SPAM1: variants seen among roughly 807,000 people sequenced by gnomAD.
The protein encoded by SPAM1 is sperm adhesion molecule 1.
In SPAM1, 22 loss-of-function variants were observed where a neutral mutation model predicts 29.6. That is an observed-to-expected ratio of 0.74 (90% confidence interval 0.53 to 1.06). The LOEUF (loss-of-function observed/expected upper bound fraction) is 1.06. SPAM1 is among the 50% of genes least tolerant of loss of function. SPAM1 has a pLI of 0.00. For missense variants in SPAM1, 534 were observed against 604.0 expected (o/e 0.88, Z 1.21); for synonymous variants, 194 against 204.6 (o/e 0.95, Z 0.44).
rs565386344 is a variant in SPAM1 at position 123,939,321 on chromosome 7, G to T, written c.-318-10551G>T. Among the ~76,000 whole-genome samples the T allele has an allele frequency of 2.0e-3, 300 of 152,218 alleles. 3 individuals carry two copies. Among genetic ancestry groups the T allele is most frequent in the Non-Finnish European group, 3.4e-3 (230 of 68,012 alleles). Reference sequence around the variant, plus strand: ...AGGATGGTCTCCAACTCCTGACCTCGTGATCTGCCCGCCTCGGCCTTCCTA... The same window carrying T: ...AGGATGGTCTCCAACTCCTGACCTCTTGATCTGCCCGCCTCGGCCTTCCTA... On this transcript the variant is annotated intron_variant, in intron 1 of 4. Coordinates refer to ENST00000682466, the MANE Select transcript of SPAM1 (RefSeq NM_153189.3).
intron 1 of SPAM1, chr7:123,932,441 A>T (rs533942562): frequency 6.6e-6 from 1 of 152,408 alleles, no homozygotes; most frequent in East Asian, 1.9e-4. Context: ...ATCTGTTTCT[A>T]ACTGCCTATG....
rs780340295 is a variant in SPAM1 at position 123,936,054 on chromosome 7, ACT to A, written c.-319+10707_-319+10708del. On this transcript the variant is annotated intron_variant, in intron 1 of 4. Transcript: ENST00000682466. The stretch of plus-strand genomic sequence containing the variant: ...TTCTTGTATTACTGTGTTCTCAACT[ACT>A]CTCTGTTGTGCTTAAAATGAATTGG... Among the ~76,000 whole-genome samples, 67 of 152,124 alleles carry A rather than the reference ACT, an allele frequency of 4.4e-4. 1 individual carries two copies. Among genetic ancestry groups the A allele is most frequent in the South Asian group, 8.3e-4 (4 of 4,816 alleles).
Position 123,939,245 on chromosome 7 carries a change from C to T in SPAM1, c.-318-10627C>T, listed in dbSNP as rs541168070. The stretch of plus-strand genomic sequence containing the variant: ...GGACTACAGGCGCCCGCCATCATGC[C>T]CGGCTAATTTTTTGTATTTTTAGTA... On this transcript the variant is annotated intron_variant, in intron 1 of 4. Coordinates refer to ENST00000682466, the MANE Select transcript of SPAM1 (RefSeq NM_153189.3). Among the ~76,000 whole-genome samples, 12 of 152,092 alleles carry T rather than the reference C, an allele frequency of 7.9e-5. No homozygotes were observed. In the South Asian group the frequency reaches 1.9e-3, roughly 24 times the overall value.
chr7:123,948,860 T>C (rs1056738922), intron 1 of SPAM1, among the ~76,000 whole-genome samples: 1 of 152,078 alleles, frequency 6.6e-6, no homozygotes, highest in Non-Finnish European at 1.5e-5. Flanking sequence ...GAAGGCAGTG[T>C]CTTGACTGAC....
chr7:123,949,081 T>C (rs1311462369), intron 1 of SPAM1, among the ~76,000 whole-genome samples: 1 of 151,926 alleles, frequency 6.6e-6, no homozygotes, highest in Non-Finnish European at 1.5e-5. Flanking sequence ...AAAATTTATT[T>C]GAAAAAAAAT....
chr7:123,928,676 A>G lies in SPAM1; in HGVS notation c.-319+3324A>G, dbSNP rs567267578. Among the ~76,000 whole-genome samples the G allele has an allele frequency of 1.8e-4, 27 of 152,324 alleles. 1 individual carries two copies. In the South Asian group the frequency reaches 5.6e-3, roughly 32 times the overall value. ...TGAAAAATCCAGTTCTTGATCTTCT[A>G]TTTTAAGGATGGAGGATATACTTCC... On this transcript the variant is annotated intron_variant, in intron 1 of 4. Coordinates refer to ENST00000682466, the MANE Select transcript of SPAM1 (RefSeq NM_153189.3).
chr7:123,937,518 T>G (rs554459430), intron 1 of SPAM1, among the ~76,000 whole-genome samples: 105 of 149,092 alleles, frequency 7.0e-4, no homozygotes, highest in South Asian at 8.5e-4. Context: ...GGAGAATGGA[T>G]TGAACCCGGG....
intron 5 of SPAM1, among the ~76,000 whole-genome samples, chr7:123,965,405 G>A (rs1054224322): frequency 3.9e-5 from 6 of 151,952 alleles, no homozygotes; most frequent in African/African-American, 7.2e-5. Context: ...GTATTGTCTA[G>A]ATTTTCTTCT....
intron 6 of SPAM1, chr7:123,970,315 T>G (rs1792481653): frequency 6.6e-7 from 1 of 1,515,114 alleles, no homozygotes; most frequent in African/African-American, 1.4e-5. Context: ...CTTCTCCTTG[T>G]GTCTTCCATA....
intron 4 of SPAM1, among the ~76,000 whole-genome samples, chr7:123,959,124 A>G (rs1792307893): frequency 6.6e-6 from 1 of 152,010 alleles, no homozygotes; most frequent in African/African-American, 2.4e-5. Context: ...CTAGTCACCA[A>G]TGGAACTGGG....
Position 123,959,754 on chromosome 7 carries a change from A to G in SPAM1, c.1315A>G (p.Ser439Gly), listed in dbSNP as rs1563032671. The G allele has an allele frequency of 6.2e-7, 1 of 1,613,300 alleles. No homozygotes were observed. Residue 439 changes from serine (S) to glycine (G), a missense_variant, in exon 5 of 5, where the codon AGC becomes GGC. Ser to Gly is a moderately conservative substitution (Grantham distance 56, BLOSUM62 0). Coordinates refer to ENST00000682466, the MANE Select transcript of SPAM1 (RefSeq NM_153189.3). ...TGAAAAATTTTATTGCAGCTGTTAT[A>G]GCACCTTGAGTTGTAAGGAGAAAGC... ...FSEKFYCSCYSTLSCKEKADV... is the reference protein window; with the variant it reads ...FSEKFYCSCYGTLSCKEKADV...
At chr7:123,949,315 A>G (rs920127088) in intron 1 of SPAM1, among the ~76,000 whole-genome samples, 5 of 152,172 alleles carry the variant, frequency 3.3e-5, no homozygotes, top group Non-Finnish European at 5.9e-5. Context: ...GAAAATTAGA[A>G]GATCAGAAAT....
chr7:123,961,491 A>C (rs531484391), downstream of SPAM1, among the ~76,000 whole-genome samples: 68 of 152,102 alleles, frequency 4.5e-4, 1 homozygote, highest in African/African-American at 1.6e-3. Flanking sequence ...TGCAACAAAC[A>C]AAATGACTCC....
intron 1 of SPAM1, among the ~76,000 whole-genome samples, chr7:123,934,229 G>A (rs986062287): frequency 3.3e-5 from 5 of 152,134 alleles, no homozygotes; most frequent in African/African-American, 1.2e-4. Flanking sequence ...ATGCATAACT[G>A]TATATAAAAA....
downstream of SPAM1, among the ~76,000 whole-genome samples, chr7:123,962,067 C>T (rs896324996): frequency 1.2e-4 from 18 of 152,110 alleles, no homozygotes; most frequent in African/African-American, 3.9e-4. Context: ...AAGCATATCA[C>T]TATGGTAGTT....
intron 1 of SPAM1, among the ~76,000 whole-genome samples, chr7:123,943,362 C>G (rs904716277): frequency 6.6e-6 from 1 of 152,098 alleles, no homozygotes; most frequent in Non-Finnish European, 1.5e-5. Context: ...AAAAATAAAA[C>G]TGCAGATGAC....
intron 1 of SPAM1, among the ~76,000 whole-genome samples, chr7:123,935,172 G>A (rs572700881): frequency 4.6e-5 from 7 of 152,212 alleles, no homozygotes; most frequent in Non-Finnish European, 1.0e-4. Flanking sequence ...TACAGGGAGG[G>A]TGCCTGTACA....
At chr7:123,960,097 C>G (rs530948536), downstream of SPAM1, 3 of 1,333,102 alleles carry the variant, frequency 2.3e-6, no homozygotes, top group African/African-American at 2.9e-5. Context: ...AATAACTATA[C>G]CTAGGAAATG....
rs1404163569 is a variant in SPAM1, at chr7:123,959,979, T to C, written c.*10T>C. On this transcript the variant is annotated 3_prime_UTR_variant, in exon 5 of 5. Transcript: ENST00000682466. Reference sequence around the variant, plus strand: ...TGTAGCGAGTTTGTAATTGCGCAGGTTAGCTGAAATGAACAATATGTCCAT... The same window carrying C: ...TGTAGCGAGTTTGTAATTGCGCAGGCTAGCTGAAATGAACAATATGTCCAT... The C allele has an allele frequency of 6.3e-7, 1 of 1,592,368 alleles. No homozygotes were observed. The highest frequency in any genetic ancestry group is 1.1e-5 in the South Asian group (1 of 87,338).
Sources: gnomAD v4.1 joint callset for allele counts (sites outside exome capture counted in the v4.1 genomes callset) on GRCh38, gnomAD v4.1.1 for gene constraint, MANE v1.5 for transcripts, NCBI Gene and HGNC (gene_info 2026-07-23, HGNC 2026-07-21) for gene names.